SORCS3: variants seen among roughly 807,000 people sequenced by gnomAD.
The protein encoded by SORCS3 is VPS10 domain-containing receptor SorCS3.
In SORCS3, 57 loss-of-function variants were observed where a neutral mutation model predicts 146.3. The observed-to-expected ratio is 0.39, with a 90% CI of 0.31 to 0.49. The LOEUF (loss-of-function observed/expected upper bound fraction) is 0.49. Ranked by LOEUF, SORCS3 falls within the 20% of genes least tolerant of loss-of-function variation. The pLI, the probability that SORCS3 is intolerant of heterozygous loss-of-function variation, is 0.92. For missense variants in SORCS3, 1,341 were observed against 1,575.5 expected (o/e 0.85, Z 2.52); for synonymous variants, 653 against 618.5 (o/e 1.06, Z -0.83).
intron 7 of SORCS3, among the ~76,000 whole-genome samples, chr10:105,130,597 C>A (rs544700092): frequency 3.3e-5 from 5 of 152,232 alleles, no homozygotes; most frequent in African/African-American, 1.2e-4. Flanking sequence ...CACACACACC[C>A]AGAGCAATAT....
chr10:105,159,586 A>G (rs1182181662), intron 11 of SORCS3, among the ~76,000 whole-genome samples: 1 of 152,240 alleles, frequency 6.6e-6, no homozygotes, highest in Non-Finnish European at 1.5e-5. Flanking sequence ...TCCGGGGAGT[A>G]TGCTCTGATT....
At chr10:104,833,609 T>A (rs2018032175) in intron 1 of SORCS3, among the ~76,000 whole-genome samples, 1 of 152,168 alleles carries the variant, frequency 6.6e-6, no homozygotes, top group Non-Finnish European at 1.5e-5. Context: ...TGTGCCAATT[T>A]CGAGAGGTCC....
intron 6 of SORCS3, among the ~76,000 whole-genome samples, chr10:105,100,146 A>C (rs888834382): frequency 6.6e-6 from 1 of 152,242 alleles, no homozygotes; most frequent in Admixed American, 6.5e-5. Context: ...ATAGGGGTGC[A>C]TATTTCCAAA....
At chr10:104,805,008 C>T (rs1440203821) in intron 1 of SORCS3, among the ~76,000 whole-genome samples, 4 of 152,158 alleles carry the variant, frequency 2.6e-5, no homozygotes, top group Non-Finnish European at 5.9e-5. Flanking sequence ...ATGAGTGTCA[C>T]CCTTAGTTGA....
intron 19 of SORCS3, among the ~76,000 whole-genome samples, chr10:105,222,537 A>G (rs1197098266): frequency 2.0e-5 from 3 of 152,192 alleles, no homozygotes; most frequent in African/African-American, 4.8e-5. Context: ...TTCTGCAAGC[A>G]GATTTCTTAT....
chr10:105,194,277 C>T (rs755764066), intron 14 of SORCS3, among the ~76,000 whole-genome samples: 3 of 152,054 alleles, frequency 2.0e-5, no homozygotes, highest in Non-Finnish European at 4.4e-5. Context: ...TTGAGCCAAG[C>T]CTATTGAAAG....
intron 11 of SORCS3, among the ~76,000 whole-genome samples, chr10:105,162,883 A>AC (rs1213010356): frequency 6.6e-6 from 1 of 152,120 alleles, no homozygotes; most frequent in Non-Finnish European, 1.5e-5. Context: ...GTTGATCACC[A>AC]CCACATTCTA....
chr10:105,111,819 G>C (rs769085504), intron 7 of SORCS3, among the ~76,000 whole-genome samples: 107 of 152,282 alleles, frequency 7.0e-4, no homozygotes, highest in Non-Finnish European at 1.3e-3. Flanking sequence ...GTCAGTACAG[G>C]CTTTCTCAAA....
At chr10:104,814,381 C>T (rs1564689926) in intron 1 of SORCS3, among the ~76,000 whole-genome samples, 1 of 152,212 alleles carries the variant, frequency 6.6e-6, no homozygotes, top group Admixed American at 6.5e-5. Context: ...TACACTGACT[C>T]ACCCTCAGCA....
At chr10:105,215,629 G>A (rs2056660446) in intron 18 of SORCS3, among the ~76,000 whole-genome samples, 1 of 152,130 alleles carries the variant, frequency 6.6e-6, no homozygotes, top group African/African-American at 2.4e-5. Context: ...CTCTTGAATG[G>A]GTGTGAAGAG....
Position 105,252,866 on chromosome 10 carries a change from T to G in SORCS3, c.3197T>G (p.Leu1066Arg). Residue 1066 changes from leucine to arginine, a missense_variant, in exon 23 of 27, where the codon CTG (leucine) becomes CGG (arginine). Leu to Arg is a moderately radical substitution (Grantham distance 102, BLOSUM62 -2). Transcript: ENST00000369701. ...CTTTTCATTCTTCCACCCAAGAACC[T>G]GACAGAGAGGAGGAAAGGCAATGAA... ...AELFILPPKN[L>R]TERRKGNEGD... 6.2e-7 allele frequency: 1 copy of G among 1,613,904 alleles called. No individual in the cohort carries two copies. Among genetic ancestry groups the G allele is most frequent in the Non-Finnish European group, 8.5e-7 (1 of 1,179,914 alleles).
In SORCS3 at chr10:104,641,453, T is replaced by C; in HGVS notation, c.126T>C (p.Gly42=). ...GAEITWDATG[G]PGRPAAPASR... ...AGATCACTTGGGACGCGACAGGCGG[T>C]CCCGGACGCCCGGCGGCCCCGGCTT... The change falls in exon 1 of 27, where the codon GGT becomes GGC. Residue 42 remains glycine (G), a synonymous_variant. Transcript: ENST00000369701. This position sits in a 1 kb window ranked among gnomAD's most constrained non-coding sequence, Gnocchi z 6.4. The C allele has an allele frequency of 6.8e-7, 1 of 1,468,950 alleles. No homozygotes were observed. Among genetic ancestry groups the C allele is most frequent in the Non-Finnish European group, 8.9e-7 (1 of 1,117,324 alleles). 91.0% of individuals were successfully genotyped at this position (1,468,950 alleles called of 1,614,324 possible).
intron 1 of SORCS3, among the ~76,000 whole-genome samples, chr10:104,643,899 C>T (rs1397881770): frequency 6.6e-6 from 1 of 152,128 alleles, no homozygotes; most frequent in Non-Finnish European, 1.5e-5. Context: ...AAGAGTTTTT[C>T]TGTGTCTCTG....
chr10:104,833,327 A>G (rs1297867423), intron 1 of SORCS3, among the ~76,000 whole-genome samples: 1 of 152,194 alleles, frequency 6.6e-6, no homozygotes, highest in East Asian at 1.9e-4. Flanking sequence ...GTTGAGACTC[A>G]GCATTGGTTT....
chr10:105,024,967 A>G (rs966443478), intron 4 of SORCS3, among the ~76,000 whole-genome samples: 2 of 152,164 alleles, frequency 1.3e-5, no homozygotes, highest in African/African-American at 4.8e-5. Context: ...TTGAATTTCT[A>G]TAGTGAGTTC....
chr10:104,718,171 T>A (rs921767687), intron 1 of SORCS3, among the ~76,000 whole-genome samples: 1 of 151,492 alleles, frequency 6.6e-6, no homozygotes, highest in African/African-American at 2.4e-5. Context: ...AATAAATGAA[T>A]AAATAAATAA....
At chr10:105,056,716 A>G (rs2055448361) in intron 5 of SORCS3, among the ~76,000 whole-genome samples, 1 of 152,232 alleles carries the variant, frequency 6.6e-6, no homozygotes, top group Admixed American at 6.5e-5. Flanking sequence ...GTGAAAAATT[A>G]TACAGTTGTA....
At chr10:104,996,516 A>G (rs1277488801) in intron 4 of SORCS3, among the ~76,000 whole-genome samples, 3 of 152,180 alleles carry the variant, frequency 2.0e-5, no homozygotes, top group African/African-American at 7.2e-5. Flanking sequence ...ACATAGAACA[A>G]ATGGAAAAAT....
intron 5 of SORCS3, among the ~76,000 whole-genome samples, chr10:105,086,413 T>C (rs373323924): frequency 3.3e-5 from 5 of 149,900 alleles, no homozygotes; most frequent in African/African-American, 1.2e-4. Context: ...CTGGGTTCTC[T>C]AGAAGTATAA....
Sources: allele counts gnomAD v4.1 joint callset (sites outside exome capture counted in the v4.1 genomes callset), GRCh38; gene constraint gnomAD v4.1.1; non-coding constraint Gnocchi (gnomAD v3.1); transcripts MANE v1.5; gene names NCBI Gene and HGNC (gene_info 2026-07-23, HGNC 2026-07-21).